The following STARD9 variants were observed in gnomAD, a reference collection of about 807,000 sequenced individuals.
STARD9 encodes stAR-related lipid transfer protein 9.
STARD9 carries 346 observed loss-of-function variants against 399.8 expected under a neutral mutation model. That is an observed-to-expected ratio of 0.87 (90% CI 0.79 to 0.95). The LOEUF (loss-of-function observed/expected upper bound fraction) is 0.95, where lower values mean the gene tolerates loss of function less well. Ranked by LOEUF, STARD9 falls within the 40% of genes least tolerant of loss-of-function variation. The pLI is 0.00. For missense variants in STARD9, 5,832 were observed against 5,667.5 expected (o/e 1.03, Z -0.93); for synonymous variants, 2,203 against 2,143.5 (o/e 1.03, Z -0.77).
At chr15:42,626,317 C>T (rs2059212515) in intron 3 of STARD9, among the ~76,000 whole-genome samples, 1 of 150,956 alleles carries the variant, frequency 6.6e-6, no homozygotes, top group Non-Finnish European at 1.5e-5. Flanking sequence ...TCCTCTTCCT[C>T]TTCTTCCTCC....
Position 42,691,040 on chromosome 15 carries a change from G to A in STARD9, c.9462G>A (p.Lys3154=). Residue 3154 remains lysine (K), a synonymous_variant, in exon 23 of 33, where the codon AAG becomes AAA. Transcript: ENST00000290607. ...LDLSEGSAES[K]LVVEPQHECL... is the part of the protein sequence containing the mutation. Reference sequence around the variant, plus strand: ...TAAGTGAAGGGTCTGCTGAGAGCAAGTTGGTGGTAGAGCCACAGCATGAAT... The same window carrying A: ...TAAGTGAAGGGTCTGCTGAGAGCAAATTGGTGGTAGAGCCACAGCATGAAT... 1 of 1,537,266 alleles carries A rather than the reference G, an allele frequency of 6.5e-7. No individual in the cohort carries two copies. Among genetic ancestry groups the A allele is most frequent in the Non-Finnish European group, 8.7e-7 (1 of 1,146,908 alleles).
chr15:42,586,078 T>G (rs573762850), intron 3 of STARD9, among the ~76,000 whole-genome samples: 2 of 152,346 alleles, frequency 1.3e-5, no homozygotes, highest in East Asian at 3.9e-4. Context: ...AAAGACTGCT[T>G]GAACAAGACA....
intron 3 of STARD9, among the ~76,000 whole-genome samples, chr15:42,624,463 G>C (rs978091297): frequency 1.3e-5 from 2 of 151,564 alleles, no homozygotes; most frequent in Admixed American, 6.6e-5. Context: ...TAAAACAAAA[G>C]TCTGAAAGAG....
intron 3 of STARD9, among the ~76,000 whole-genome samples, chr15:42,622,359 CTCTCTCTCTG>C (rs2059110562): frequency 6.6e-6 from 1 of 152,130 alleles, no homozygotes; most frequent in African/African-American, 2.4e-5. Context: ...CCCTCTCTCT[CTCTCTCTCTG>C]TCTCTCTCTT....
At chr15:42,657,202 CA>C (rs967796705) in intron 9 of STARD9, among the ~76,000 whole-genome samples, 17 of 151,286 alleles carry the variant, frequency 1.1e-4, no homozygotes, top group African/African-American at 3.9e-4. Context: ...ACTAAAAATA[CA>C]AAAAAAATTA....
chr15:42,704,538 G>C (rs1363765287), intron 26 of STARD9, among the ~76,000 whole-genome samples: 1 of 152,200 alleles, frequency 6.6e-6, no homozygotes, highest in Non-Finnish European at 1.5e-5. Flanking sequence ...GAGCCTGACT[G>C]TTGAGTTCCC....
intron 16 of STARD9, chr15:42,670,975 T>C (rs549448188): frequency 6.6e-6 from 1 of 152,212 alleles, no homozygotes; most frequent in African/African-American, 2.4e-5. Flanking sequence ...AGAACTGATC[T>C]GATATATGGA....
intron 1 of STARD9, among the ~76,000 whole-genome samples, chr15:42,580,670 G>A (rs980325300): frequency 5.9e-5 from 9 of 152,080 alleles, no homozygotes; most frequent in Non-Finnish European, 8.8e-5. Context: ...CAAAAAGCCC[G>A]GCGTGGTGGC....
In STARD9 at chr15:42,575,737, G is replaced by A. The variant is rs1047163026; in HGVS notation, c.22G>A (p.Val8Met). 2.6e-6 allele frequency: 4 copies of A among 1,536,580 alleles called. No homozygotes were observed. Among genetic ancestry groups the A allele is most frequent in the African/African-American group, 1.4e-5 (1 of 73,058 alleles). ...ACGGATGGCGAACGTGCAGGTCGCC[G>A]TGCGGGTCCGGCCGCTCAGCAAGAG... MANVQVA[V>M]RVRPLSKRET... Residue 8 changes from valine to methionine, a missense_variant, in exon 1 of 33, where the codon GTG becomes ATG. Val to Met is a conservative substitution (Grantham distance 21). Transcript: ENST00000290607.
chr15:42,675,031 A>G (rs996608242), intron 18 of STARD9, 67 bp downstream of exon 18: 1 of 1,417,394 alleles, frequency 7.1e-7, no homozygotes, highest in South Asian at 1.6e-5. Flanking sequence ...TCATGGGCCC[A>G]AAGAGCTCAG....
intron 20 of STARD9, among the ~76,000 whole-genome samples, chr15:42,679,791 T>C (rs1305039314): frequency 2.0e-5 from 3 of 152,172 alleles, no homozygotes; most frequent in African/African-American, 7.2e-5. Context: ...AATAAAACTT[T>C]ATTAATAAAA....
chr15:42,660,624 A>G (rs907709725), intron 9 of STARD9, among the ~76,000 whole-genome samples: 2 of 151,962 alleles, frequency 1.3e-5, no homozygotes, highest in African/African-American at 4.8e-5. Context: ...ACAATTTCTA[A>G]AACAAAATAA....
chr15:42,663,102 G>C (rs2060021531), intron 11 of STARD9, 179 bp from the exon 12 acceptor site: 1 of 733,254 alleles, frequency 1.4e-6, no homozygotes, highest in African/African-American at 1.8e-5. Context: ...AAAATTATGT[G>C]ACTCAAACAT....
In STARD9 at chr15:42,637,762, C is replaced by T; in HGVS notation, c.352-145C>T. On this transcript the variant is annotated intron_variant, in intron 4 of 32. Coordinates refer to ENST00000290607, the MANE Select transcript of STARD9 (RefSeq NM_020759.3). ...CTGGCACATAAAAGTCTTCTATATT[C>T]CCCAGTGAAACTGCCTGGAGTGAAG... 7.8e-6 allele frequency: 6 copies of T among 770,254 alleles called. No homozygotes were observed. The South Asian group carries it at 9.7e-5, about 12-fold the overall frequency. 47.7% of individuals were successfully genotyped at this position (770,254 alleles called of 1,614,324 possible). A position where few individuals can be genotyped will look rare whatever the true frequency, so the allele number is the denominator to read the frequency against.
Position 42,663,483 on chromosome 15 carries a change from G to T in STARD9, c.1071G>T (p.Met357Ile). The T allele has an allele frequency of 6.5e-7, 1 of 1,537,334 alleles. No homozygotes were observed. The highest frequency in any genetic ancestry group is 8.7e-7 in the Non-Finnish European group (1 of 1,146,910). ...DSLGGNSKTIMVATVSPAHTS... is the reference protein window; with the variant it reads ...DSLGGNSKTIIVATVSPAHTS... Reference sequence around the variant, plus strand: ...TTGGAGGCAACTCTAAAACCATCATGGTTGCCAGTGAGTGGGATGCCAGAG... The same window carrying T: ...TTGGAGGCAACTCTAAAACCATCATTGTTGCCAGTGAGTGGGATGCCAGAG... The change falls in exon 12 of 33, where the codon ATG (methionine) becomes ATT (isoleucine). Residue 357 changes from methionine (M) to isoleucine (I), a missense_variant. By Grantham distance (10) the Met-to-Ile change is conservative. Around this residue, in one of 2 missense-constraint regions of STARD9, gnomAD observed 5,828 missense variants for 5,651.1 expected, o/e 1.03. Transcript: ENST00000290607.
At position 42,690,534 on chromosome 15, in the gene STARD9, C is replaced by A; in HGVS notation, c.8956C>A (p.Pro2986Thr). Reference sequence around the variant, plus strand: ...TAGAGATGGTGACCTAGGGAAGGAGCCTTTCAAGGCTGCCCCACATACTAT... The same window carrying A: ...TAGAGATGGTGACCTAGGGAAGGAGACTTTCAAGGCTGCCCCACATACTAT... ...CFRDGDLGKE[P>T]FKAAPHTIHP... Residue 2986 changes from proline (P) to threonine (T), a missense_variant, in exon 23 of 33, where the codon CCT becomes ACT. Physicochemically the swap from Pro to Thr is conservative, Grantham distance 38. Around this residue, in one of 2 missense-constraint regions of STARD9, gnomAD observed 5,828 missense variants for 5,651.1 expected, o/e 1.03. Coordinates refer to ENST00000290607, the MANE Select transcript of STARD9 (RefSeq NM_020759.3). The A allele has an allele frequency of 6.5e-7, 1 of 1,537,150 alleles. No homozygotes were observed. The highest frequency in any genetic ancestry group is 8.7e-7 in the Non-Finnish European group (1 of 1,146,886).
chr15:42,632,929 G>A (rs1296137295), intron 3 of STARD9, among the ~76,000 whole-genome samples: 1 of 152,164 alleles, frequency 6.6e-6, no homozygotes, highest in African/African-American at 2.4e-5. Flanking sequence ...GATCACTTGA[G>A]TCCAGGAGTT....
At chr15:42,698,059 ACT>A (rs2060881905) in intron 26 of STARD9, among the ~76,000 whole-genome samples, 2 of 152,036 alleles carry the variant, frequency 1.3e-5, no homozygotes, top group African/African-American at 4.8e-5. Context: ...ATAATTTGTA[ACT>A]CTATTTGAAT....
In STARD9 at chr15:42,719,641, G is replaced by A. The variant is rs2061416343; in HGVS notation, c.*67G>A. On this transcript the variant is annotated 3_prime_UTR_variant, in exon 33 of 33. Coordinates refer to ENST00000290607, the MANE Select transcript of STARD9 (RefSeq NM_020759.3). Reference sequence around the variant, plus strand: ...GCTGCTCAAGAGAGACACTGTGGCAGCTCCTTGTTACTTTCCATACCACAG... The same window carrying A: ...GCTGCTCAAGAGAGACACTGTGGCAACTCCTTGTTACTTTCCATACCACAG... 1 of 1,054,810 alleles carries A rather than the reference G, an allele frequency of 9.5e-7. No individual in the cohort carries two copies. The highest frequency in any genetic ancestry group is 1.4e-6 in the Non-Finnish European group (1 of 717,940). The allele number at this position is 1,054,810 out of a possible 1,614,324, so 65.3% of individuals were successfully genotyped here.
Sources: allele counts gnomAD v4.1 joint callset (sites outside exome capture counted in the v4.1 genomes callset), GRCh38; gene constraint gnomAD v4.1.1; regional missense constraint gnomAD v4.1.1; transcripts MANE v1.5; gene names NCBI Gene and HGNC (gene_info 2026-07-23, HGNC 2026-07-21).